TLDC2: variants seen among roughly 807,000 people sequenced by gnomAD.
The protein encoded by TLDC2 is TLD domain-containing protein 2.
Under a neutral mutation model 27.9 loss-of-function variants are expected in TLDC2, and 23 were observed. The ratio of observed to expected loss-of-function variants is 0.82; its 90% confidence interval spans 0.59 to 1.17. TLDC2 has a LOEUF of 1.17. Among genes scored for constraint, TLDC2 ranks in the 50% most tolerant of loss-of-function variants. The pLI, the probability that TLDC2 is intolerant of heterozygous loss-of-function variation, is 0.00. For synonymous variants in TLDC2, 124 were observed against 107.4 expected (o/e 1.16, Z -0.96); for missense variants, 286 against 273.4 (o/e 1.05, Z -0.32).
rs912232760 is a variant in TLDC2 at position 36,889,240 on chromosome 20, C to T, written c.513-11C>T. 7 of 1,613,854 alleles carry T rather than the reference C, an allele frequency of 4.3e-6. No homozygotes were observed. The highest frequency in any genetic ancestry group is 5.9e-6 in the Non-Finnish European group (7 of 1,179,910). ...GAGTGAGCCGCACCAAGACTGTCCT[C>T]TTCTCTCTAGTGGCCGGTTTGGGCT... On this transcript the variant is annotated splice_polypyrimidine_tract_variant and intron_variant, in intron 5 of 6. Transcript: ENST00000217320.
At chr20:36,888,598 C>T (rs1311857770) in intron 5 of TLDC2, among the ~76,000 whole-genome samples, 10 of 142,002 alleles carry the variant, frequency 7.0e-5, no homozygotes, top group Non-Finnish European at 9.1e-5. Context: ...CCCAGCTACT[C>T]GGGAGGCTGA....
chr20:36,892,812 G>A lies in TLDC2; in HGVS notation c.*18-50G>A, dbSNP rs188941712. The A allele has an allele frequency of 1.5e-4, 193 of 1,271,316 alleles. 1 individual carries two copies. The East Asian group carries it at 3.7e-3, about 24-fold the overall frequency. The allele number at this position is 1,271,316 out of a possible 1,614,324, so 78.8% of individuals were successfully genotyped here. ...TAAAAGTTACTTAGCTTCAGCATGC[G>A]TGTACATTCAAAATACAAAATTAAA... On this transcript the variant is annotated intron_variant, in intron 6 of 6. Coordinates refer to ENST00000217320, the MANE Select transcript of TLDC2 (RefSeq NM_080628.3).
At chr20:36,890,511 C>A (rs1177875799) in intron 6 of TLDC2, 6 of 151,364 alleles carry the variant, frequency 4.0e-5, no homozygotes, top group Admixed American at 6.6e-5. Flanking sequence ...GACCCCGAGG[C>A]TGGAGTGCAG....
intron 6 of TLDC2, chr20:36,891,526 G>C (rs1251115036): frequency 6.6e-6 from 1 of 152,466 alleles, no homozygotes; most frequent in African/African-American, 2.4e-5. Flanking sequence ...TGCAGACTTT[G>C]TTCTTGGTGA....
chr20:36,885,954 C>G (rs1380508383), intron 4 of TLDC2, among the ~76,000 whole-genome samples: 2 of 151,978 alleles, frequency 1.3e-5, no homozygotes, highest in African/African-American at 4.8e-5. Context: ...GAGGTGGGCC[C>G]TCTGAGGATC....
intron 3 of TLDC2, 27 bp downstream of exon 3, chr20:36,879,220 G>A: frequency 6.3e-7 from 1 of 1,597,976 alleles, no homozygotes. Context: ...CACCACCCGA[G>A]GCTCTGGGGG....
chr20:36,887,663 G>A, intron 5 of TLDC2, 135 bp downstream of exon 5: 2 of 820,478 alleles, frequency 2.4e-6, no homozygotes, highest in Non-Finnish European at 4.1e-6. Context: ...TCCCCTCATT[G>A]CTCAGCCTCC....
At chr20:36,880,839 C>G in intron 4 of TLDC2, 89 bp downstream of exon 4, 5 of 1,172,236 alleles carry the variant, frequency 4.3e-6, no homozygotes, top group African/African-American at 1.5e-5. Flanking sequence ...CCATCCTCCA[C>G]GATGGGCTGC....
At position 36,889,310 on chromosome 20, in the gene TLDC2, C is replaced by CGACCTTCAACA; in HGVS notation, c.573_583dup (p.Asn195ArgfsTer36). The CGACCTTCAACA allele has an allele frequency of 1.2e-6, 2 of 1,614,176 alleles. No individual in the cohort carries two copies. The highest frequency in any genetic ancestry group is 2.2e-5 in the South Asian group (2 of 91,082). ...TTCCGCGGGGGAAGCTCCCCTTGCCCGACCTTCAACAACGAGGTGCTGGCC... is the reference window on the plus strand; with the variant it reads ...TTCCGCGGGGGAAGCTCCCCTTGCCCGACCTTCAACAGACCTTCAACAACGAGGTGCTGGCC... On this transcript the variant is annotated frameshift_variant, in exon 6 of 7. Coordinates refer to ENST00000217320, the MANE Select transcript of TLDC2 (RefSeq NM_080628.3). LOFTEE classifies it high-confidence loss of function.
At position 36,893,084 on chromosome 20, in the gene TLDC2, A is replaced by C; in HGVS notation, c.*240A>C. 2 of 1,611,300 alleles carry C rather than the reference A, an allele frequency of 1.2e-6. No individual in the cohort carries two copies. Among genetic ancestry groups the C allele is most frequent in the Non-Finnish European group, 1.7e-6 (2 of 1,179,946 alleles). ...TCGCCATCCTATTAGGAAGAGAGAGAAAAACAGGCAATAGAGAAAAGCCAG... is the reference window on the plus strand; with the variant it reads ...TCGCCATCCTATTAGGAAGAGAGAGCAAAACAGGCAATAGAGAAAAGCCAG... On this transcript the variant is annotated 3_prime_UTR_variant, in exon 7 of 7. Transcript: ENST00000217320.
intron 3 of TLDC2, among the ~76,000 whole-genome samples, chr20:36,880,324 C>T (rs974417531): frequency 6.6e-6 from 1 of 151,760 alleles, no homozygotes; most frequent in Non-Finnish European, 1.5e-5. Context: ...GAACTCCTGA[C>T]CTCAGGTGAT....
At chr20:36,882,111 T>C (rs903756874) in intron 4 of TLDC2, among the ~76,000 whole-genome samples, 1 of 152,172 alleles carries the variant, frequency 6.6e-6, no homozygotes, top group Non-Finnish European at 1.5e-5. Context: ...GTCAGGTGGC[T>C]CGAGCTGCCC....
Position 36,893,539 on chromosome 20 carries a change from G to A in TLDC2, c.*695G>A. 1 of 276,792 alleles carries A rather than the reference G, an allele frequency of 3.6e-6. No individual in the cohort carries two copies. The highest frequency in any genetic ancestry group is 6.7e-6 in the Non-Finnish European group (1 of 149,440). The allele number at this position is 276,792 out of a possible 1,614,324, so 17.1% of individuals were successfully genotyped here. A position where few individuals can be genotyped will look rare whatever the true frequency, so the allele number is the denominator to read the frequency against. The stretch of plus-strand genomic sequence containing the variant: ...TTCTCTGCATCAAAGCTCTAACGTT[G>A]GTCCCATCAGCATAGGCTCCAGCCA... On this transcript the variant is annotated 3_prime_UTR_variant, in exon 7 of 7. Coordinates refer to ENST00000217320, the MANE Select transcript of TLDC2 (RefSeq NM_080628.3).
chr20:36,894,096 G>A lies in TLDC2; in HGVS notation c.*1252G>A, dbSNP rs45595436. ...CTCTCCTATCCTAGAGGTGGTAGCA[G>A]CTTCCTGCTGTTGAATCACTGTCCT... is the stretch of plus-strand genomic sequence containing the variant. On this transcript the variant is annotated 3_prime_UTR_variant, in exon 7 of 7. Transcript: ENST00000217320. 8.5e-3 allele frequency: 3,361 copies of A among 396,336 alleles called. 29 individuals carry two copies. Among genetic ancestry groups the A allele is most frequent in the Non-Finnish European group, 0.012 (2,714 of 225,320 alleles). 24.6% of individuals were successfully genotyped at this position (396,336 alleles called of 1,614,324 possible). A position where few individuals can be genotyped will look rare whatever the true frequency, so the allele number is the denominator to read the frequency against.
At chr20:36,884,772 T>C (rs574288164) in intron 4 of TLDC2, among the ~76,000 whole-genome samples, 30 of 146,742 alleles carry the variant, frequency 2.0e-4, no homozygotes, top group Admixed American at 7.6e-4. Context: ...TAAAAATAAA[T>C]AAATAAATAA....
intron 4 of TLDC2, among the ~76,000 whole-genome samples, chr20:36,883,646 C>T (rs1380574042): frequency 6.6e-6 from 1 of 152,212 alleles, no homozygotes; most frequent in East Asian, 1.9e-4. Context: ...TCTGCCTTCT[C>T]TCTGTCTATA....
At position 36,894,181 on chromosome 20, in the gene TLDC2, G is replaced by A. The variant is rs370245599; in HGVS notation, c.*1337G>A. On this transcript the variant is annotated 3_prime_UTR_variant, in exon 7 of 7. Coordinates refer to ENST00000217320, the MANE Select transcript of TLDC2 (RefSeq NM_080628.3). ...CTCACCCCCATGTTAAATTTTTTCT[G>A]TTGAACTACACTGGATCTGACTTGA... 5.2e-6 allele frequency: 2 copies of A among 382,618 alleles called. No individual in the cohort carries two copies. The allele number at this position is 382,618 out of a possible 1,614,324, so 23.7% of individuals were successfully genotyped here. A position where few individuals can be genotyped will look rare whatever the true frequency, so the allele number is the denominator to read the frequency against.
In TLDC2 at chr20:36,880,736, T is replaced by A; in HGVS notation, c.424T>A (p.Ser142Thr). The change falls in exon 4 of 7, where the codon TCC becomes ACC. Residue 142 changes from serine (S) to threonine (T), a missense_variant. Coordinates refer to ENST00000217320, the MANE Select transcript of TLDC2 (RefSeq NM_080628.3). ...GTGETFLFSF[S>T]PQLKVFKWTG... Reference sequence around the variant, plus strand: ...TGGCGAGACATTCCTCTTCTCCTTCTCCCCACAGCTGAAGGTGATGTTCCC... The same window carrying A: ...TGGCGAGACATTCCTCTTCTCCTTCACCCCACAGCTGAAGGTGATGTTCCC... 1 of 1,614,076 alleles carries A rather than the reference T, an allele frequency of 6.2e-7. No individual in the cohort carries two copies. Among genetic ancestry groups the A allele is most frequent in the Non-Finnish European group, 8.5e-7 (1 of 1,179,942 alleles).
At chr20:36,887,355 T>A (rs1321492412) in intron 4 of TLDC2, 100 bp from the exon 5 acceptor site, 1 of 1,071,732 alleles carries the variant, frequency 9.3e-7, no homozygotes, top group East Asian at 2.4e-5. Context: ...GCCTGGATGC[T>A]GTTCCCGCCA....
Sources: allele counts gnomAD v4.1 joint callset (sites outside exome capture counted in the v4.1 genomes callset), GRCh38; gene constraint gnomAD v4.1.1; transcripts MANE v1.5; gene names NCBI Gene and HGNC (gene_info 2026-07-23, HGNC 2026-07-21).